The following WDR31 variants were observed in gnomAD, a reference collection of about 807,000 sequenced individuals.
WDR31 encodes WD repeat-containing protein 31.
WDR31 carries 30 observed loss-of-function variants against 47.3 expected under a neutral mutation model. The ratio of observed to expected loss-of-function variants is 0.63; its 90% CI spans 0.47 to 0.86. The LOEUF (loss-of-function observed/expected upper bound fraction) is 0.86, where lower values mean the gene tolerates loss of function less well. Among genes scored for constraint, WDR31 ranks in the 40% least tolerant of loss-of-function variants. The pLI is 0.00. For synonymous variants in WDR31, 137 were observed against 159.4 expected (o/e 0.86, Z 1.06); for missense variants, 406 against 442.9 (o/e 0.92, Z 0.75).
intron 3 of WDR31, among the ~76,000 whole-genome samples, chr9:113,331,343 G>T (rs189538626): frequency 6.8e-4 from 103 of 152,286 alleles, no homozygotes; most frequent in African/African-American, 2.5e-3. Context: ...GATAAAGGGG[G>T]ATCCTGAAGC....
intron 5 of WDR31, among the ~76,000 whole-genome samples, chr9:113,327,405 C>T (rs1833497126): frequency 6.7e-6 from 1 of 149,840 alleles, no homozygotes; most frequent in South Asian, 2.2e-4. Flanking sequence ...TTGATACATG[C>T]TCAAGTGTTA....
rs1270975814 is a variant in WDR31, at chr9:113,313,844, A to G, written c.*2905T>C. 2 of 152,192 alleles carry G rather than the reference A, an allele frequency of 1.3e-5. No individual in the cohort carries two copies. The highest frequency in any genetic ancestry group is 2.9e-5 in the Non-Finnish European group (2 of 68,046). The allele number at this position is 152,192 out of a possible 1,614,324, so 9.4% of individuals were successfully genotyped here. ...CAAGGAATCAAAGGAGAGTGAAACGATGACTAAAGGTTTAGAGGATAAGAT... is the reference window on the plus strand; with the variant it reads ...CAAGGAATCAAAGGAGAGTGAAACGGTGACTAAAGGTTTAGAGGATAAGAT... On this transcript the variant is annotated 3_prime_UTR_variant, in exon 11 of 11. Coordinates refer to ENST00000374193, the MANE Select transcript of WDR31 (RefSeq NM_001012361.4).
In WDR31 at chr9:113,316,890, A is replaced by T; in HGVS notation, c.963T>A (p.Ser321=). The T allele has an allele frequency of 6.2e-7, 1 of 1,614,050 alleles. No individual in the cohort carries two copies. The highest frequency in any genetic ancestry group is 1.1e-5 in the South Asian group (1 of 91,068). The change falls in exon 11 of 11, where the codon TCT becomes TCA. Residue 321 remains serine (S), a synonymous_variant. Transcript: ENST00000374193. The stretch of plus-strand genomic sequence containing the variant: ...AAGTCAAGGGTCCTGATCCATCCAG[A>T]GACAAGGTGAAAAGGCAGGCTGGGG... ...QDTGACLFTL[S]LDGSGPLTSL... is the part of the protein sequence containing the mutation.
At chr9:113,327,307 A>C (rs1284401790) in intron 5 of WDR31, among the ~76,000 whole-genome samples, 1 of 152,236 alleles carries the variant, frequency 6.6e-6, no homozygotes, top group Non-Finnish European at 1.5e-5. Context: ...CTAGGCATAT[A>C]GGCCTCACTT....
chr9:113,322,351 A>G lies in WDR31; in HGVS notation c.570+460T>C, dbSNP rs1198322338. On this transcript the variant is annotated intron_variant, in intron 7 of 10. Transcript: ENST00000374193. The stretch of plus-strand genomic sequence containing the variant: ...TGACTCCAAAGGCTCTCCAATTTAT[A>G]CCAGTCTGCTACTAGAAAACAACTG... Among the ~76,000 whole-genome samples the G allele has an allele frequency of 3.3e-5, 5 of 152,242 alleles. No individual in the cohort carries two copies. In the East Asian group the frequency reaches 9.6e-4, roughly 29 times the overall value.
At chr9:113,329,078 C>T in intron 4 of WDR31, 123 bp from the exon 5 acceptor site, 1 of 883,116 alleles carries the variant, frequency 1.1e-6, no homozygotes, top group Non-Finnish European at 1.8e-6. Context: ...GGAACTTGCT[C>T]AAAGCATTCG....
At chr9:113,325,637 C>T (rs1180754987) in intron 5 of WDR31, among the ~76,000 whole-genome samples, 1 of 151,680 alleles carries the variant, frequency 6.6e-6, no homozygotes, top group Non-Finnish European at 1.5e-5. Context: ...TTAATTAGCA[C>T]AATTATATTA....
At chr9:113,322,627 A>T (rs1478087985) in intron 7 of WDR31, among the ~76,000 whole-genome samples, 184 bp downstream of exon 7, 1 of 152,178 alleles carries the variant, frequency 6.6e-6, no homozygotes, top group Non-Finnish European at 1.5e-5. Flanking sequence ...CTGGAGCAGA[A>T]GACTCAAGGG....
intron 2 of WDR31, 24 bp from the exon 3 acceptor site, chr9:113,332,074 A>ATGT: frequency 6.6e-7 from 1 of 1,513,662 alleles, no homozygotes; most frequent in Non-Finnish European, 9.2e-7. Flanking sequence ...AGAAGAATAC[A>ATGT]TGTTGTTAAT....
chr9:113,324,921 A>G (rs1373309397), intron 5 of WDR31, among the ~76,000 whole-genome samples: 3 of 150,606 alleles, frequency 2.0e-5, no homozygotes, highest in Non-Finnish European at 4.4e-5. Context: ...TCAATCTTAA[A>G]GCTGTTTTGC....
rs200676916 is a variant in WDR31, at chr9:113,328,846, C to A, written c.324+35G>T. 3.8e-5 allele frequency: 58 copies of A among 1,529,332 alleles called. No homozygotes were observed. In the East Asian group the frequency reaches 1.2e-3, roughly 33 times the overall value. The allele number at this position is 1,529,332 out of a possible 1,614,324, so 94.7% of individuals were successfully genotyped here. On this transcript the variant is annotated intron_variant, in intron 5 of 10. Transcript: ENST00000374193. ...ACTATTAGCTATCCTTTATTCAGTTCCAGATTGCCTTCATAATAATCATTT... is the reference window on the plus strand; with the variant it reads ...ACTATTAGCTATCCTTTATTCAGTTACAGATTGCCTTCATAATAATCATTT...
intron 8 of WDR31, 131 bp from the exon 9 acceptor site, chr9:113,320,629 TAA>T: frequency 8.6e-7 from 1 of 1,163,738 alleles, no homozygotes; most frequent in Non-Finnish European, 1.2e-6. Context: ...ATGATTTACC[TAA>T]AAACGGCAGC....
At position 113,321,525 on chromosome 9, in the gene WDR31, T is replaced by C. The variant is rs1833327413; in HGVS notation, c.624A>G (p.Glu208=). The change falls in exon 8 of 11, where the codon GAA becomes GAG. Residue 208 remains glutamate, a synonymous_variant. Coordinates refer to ENST00000374193, the MANE Select transcript of WDR31 (RefSeq NM_001012361.4). The part of the protein sequence containing the change: ...PREPYILQTS[E]DKTLRLWDSR... ...AGTAAGCCCACCTGAGGGTTTTATC[T>C]TCAGAGGTCTGTAGTATGTATGGTT... is the stretch of plus-strand genomic sequence containing the variant. 4 of 1,614,146 alleles carry C rather than the reference T, an allele frequency of 2.5e-6. No homozygotes were observed. In the East Asian group the frequency reaches 6.7e-5, roughly 27 times the overall value.
intron 1 of WDR31, among the ~76,000 whole-genome samples, chr9:113,338,668 G>T (rs1444933936): frequency 6.6e-6 from 1 of 150,932 alleles, no homozygotes; most frequent in Non-Finnish European, 1.5e-5. Flanking sequence ...GCCCAGGCTG[G>T]AGTGCAATGG....
In WDR31 at chr9:113,331,972, C is replaced by T. The variant is rs577762065; in HGVS notation, c.51G>A (p.Ser17=). ...QLKQAPPQKV[S]FRFCVVMGKQ... is the part of the protein sequence containing the mutation. ...TCCCCATCACGACACAAAACCTAAA[C>T]GAAACCTTCTGTGGAGGAGCTTGTT... The change falls in exon 3 of 11, where the codon TCG becomes TCA. Residue 17 remains serine, a synonymous_variant. Coordinates refer to ENST00000374193, the MANE Select transcript of WDR31 (RefSeq NM_001012361.4). 9.3e-6 allele frequency: 15 copies of T among 1,613,910 alleles called. No homozygotes were observed. Among genetic ancestry groups the T allele is most frequent in the South Asian group, 2.2e-5 (2 of 91,084 alleles).
chr9:113,340,186 C>T (rs540964692), intron 1 of WDR31, 31 bp downstream of exon 1: 1 of 152,426 alleles, frequency 6.6e-6, no homozygotes, highest in South Asian at 2.1e-4. Flanking sequence ...GCCGCTATGC[C>T]CCTTTCTCCC....
Position 113,316,442 on chromosome 9 carries a change from T to C in WDR31, c.*307A>G. 2 of 232,812 alleles carry C rather than the reference T, an allele frequency of 8.6e-6. No individual in the cohort carries two copies. The highest frequency in any genetic ancestry group is 1.7e-4 in the East Asian group (2 of 11,552). The allele number at this position is 232,812 out of a possible 1,614,324, so 14.4% of individuals were successfully genotyped here. A position where few individuals can be genotyped will look rare whatever the true frequency, so the allele number is the denominator to read the frequency against. ...AGACAGAGGCCTGCCACTCTTACAT[T>C]TACAGGTCATCATTCTGAGCAATAC... is the stretch of plus-strand genomic sequence containing the variant. On this transcript the variant is annotated 3_prime_UTR_variant, in exon 11 of 11. Coordinates refer to ENST00000374193, the MANE Select transcript of WDR31 (RefSeq NM_001012361.4).
intron 5 of WDR31, among the ~76,000 whole-genome samples, chr9:113,324,926 TTTTGCATTAGATATGTCTTA>T (rs1833427545): frequency 6.6e-6 from 1 of 151,762 alleles, no homozygotes; most frequent in Non-Finnish European, 1.5e-5. Flanking sequence ...CTTAAAGCTG[TTTTGCATTAGATATGTCTTA>T]TTTTTTATTT....
At chr9:113,339,114 C>G (rs1378805513) in intron 1 of WDR31, among the ~76,000 whole-genome samples, 2 of 152,212 alleles carry the variant, frequency 1.3e-5, no homozygotes, top group African/African-American at 2.4e-5. Flanking sequence ...AGGCCTCGGT[C>G]TGAATCCCAT....
Sources: gnomAD v4.1 joint callset for allele counts (sites outside exome capture counted in the v4.1 genomes callset) on GRCh38, gnomAD v4.1.1 for gene constraint, MANE v1.5 for transcripts, NCBI Gene and HGNC (gene_info 2026-07-23, HGNC 2026-07-21) for gene names.